The following AFG2A variants were observed in gnomAD, a reference collection of about 807,000 sequenced individuals.
The protein encoded by AFG2A is ATPase family gene 2 protein homolog A.
chr4:123,031,154 T>C, the AFG2A span, among the ~76,000 whole-genome samples: 1 of 152,158 alleles, frequency 6.6e-6, no homozygotes, highest in Non-Finnish European at 1.5e-5. Context: ...ATTCATACTC[T>C]GTTCTCTTTT....
the AFG2A span, among the ~76,000 whole-genome samples, chr4:122,992,379 T>C: frequency 6.6e-6 from 1 of 152,274 alleles, no homozygotes; most frequent in Admixed American, 6.5e-5. Flanking sequence ...TACTTTCTTA[T>C]ACTGCATTTT....
At chr4:123,230,525 A>C in the AFG2A span, among the ~76,000 whole-genome samples, 1 of 151,772 alleles carries the variant, frequency 6.6e-6, no homozygotes, top group African/African-American at 2.4e-5. Context: ...AAACCCCTCA[A>C]AGTTATTCCT....
the AFG2A span, among the ~76,000 whole-genome samples, chr4:122,983,131 G>A: frequency 2.0e-5 from 3 of 151,896 alleles, no homozygotes; most frequent in Non-Finnish European, 4.4e-5. Context: ...CTCCCAAAGT[G>A]CTAGGATTAC....
chr4:123,267,061 G>A, the AFG2A span, among the ~76,000 whole-genome samples: 1 of 151,906 alleles, frequency 6.6e-6, no homozygotes, highest in Non-Finnish European at 1.5e-5. Context: ...ACATGTTCTC[G>A]TTCTTCATCC....
the AFG2A span, among the ~76,000 whole-genome samples, chr4:123,239,794 ACAT>A: frequency 6.6e-6 from 1 of 152,178 alleles, no homozygotes; most frequent in African/African-American, 2.4e-5. Context: ...TACCCATCTA[ACAT>A]CATAATGACA....
At chr4:122,992,000 C>T in the AFG2A span, among the ~76,000 whole-genome samples, 1 of 152,046 alleles carries the variant, frequency 6.6e-6, no homozygotes, top group African/African-American at 2.4e-5. Flanking sequence ...TCATCAAATG[C>T]CACATGTCAG....
chr4:123,302,727 T>A, the AFG2A span, among the ~76,000 whole-genome samples: 1 of 152,052 alleles, frequency 6.6e-6, no homozygotes, highest in African/African-American at 2.4e-5. Context: ...AACACAAATA[T>A]CTCTATATCT....
chr4:123,034,722 T>C, the AFG2A span, among the ~76,000 whole-genome samples: 1 of 152,140 alleles, frequency 6.6e-6, no homozygotes, highest in Non-Finnish European at 1.5e-5. Flanking sequence ...ACAGTGTACA[T>C]GGGTGGGTGG....
the AFG2A span, among the ~76,000 whole-genome samples, chr4:122,958,876 AG>A: frequency 2.0e-5 from 3 of 152,222 alleles, no homozygotes; most frequent in African/African-American, 7.2e-5. Flanking sequence ...AGCTGGAGGC[AG>A]GATCTATAAT....
the AFG2A span, among the ~76,000 whole-genome samples, chr4:122,972,874 G>A: frequency 6.6e-6 from 1 of 151,922 alleles, no homozygotes; most frequent in African/African-American, 2.4e-5. Context: ...AGGTATGCTG[G>A]AAAACAGAGT....
At chr4:123,118,164 T>G in the AFG2A span, among the ~76,000 whole-genome samples, 1 of 151,186 alleles carries the variant, frequency 6.6e-6, no homozygotes, top group Admixed American at 6.6e-5. Context: ...ATATACATGC[T>G]CATTCCTTGT....
chr4:123,291,328 A>G, the AFG2A span, among the ~76,000 whole-genome samples: 1 of 152,134 alleles, frequency 6.6e-6, no homozygotes, highest in African/African-American at 2.4e-5. Context: ...TTCAACATTA[A>G]TATTGATATG....
the AFG2A span, among the ~76,000 whole-genome samples, chr4:123,098,825 A>G: frequency 6.6e-6 from 1 of 152,024 alleles, no homozygotes; most frequent in Non-Finnish European, 1.5e-5. Flanking sequence ...TGCAGTGAAC[A>G]TGGAGTGCAG....
At chr4:123,003,588 T>C in the AFG2A span, among the ~76,000 whole-genome samples, 1 of 152,188 alleles carries the variant, frequency 6.6e-6, no homozygotes. Context: ...CCTGTTTGCC[T>C]GGGTATCAGC....
the AFG2A span, among the ~76,000 whole-genome samples, chr4:123,167,811 A>C: frequency 6.6e-6 from 1 of 152,184 alleles, no homozygotes; most frequent in Non-Finnish European, 1.5e-5. Context: ...CTCTAATGCA[A>C]TTTTTGATGT....
the AFG2A span, among the ~76,000 whole-genome samples, chr4:122,923,539 G>A: frequency 6.6e-6 from 1 of 152,148 alleles, no homozygotes; most frequent in African/African-American, 2.4e-5. Flanking sequence ...TTTCTCTTTT[G>A]TAAATTATTT....
At chr4:123,142,046 A>G in the AFG2A span, among the ~76,000 whole-genome samples, 2 of 152,114 alleles carry the variant, frequency 1.3e-5, no homozygotes, top group Non-Finnish European at 1.5e-5. Flanking sequence ...TCCTTTCTTT[A>G]ATGTTATATA....
At chr4:123,057,810 T>TACAC in the AFG2A span, among the ~76,000 whole-genome samples, 8 of 151,486 alleles carry the variant, frequency 5.3e-5, no homozygotes, top group Non-Finnish European at 2.9e-5. Flanking sequence ...AACAAATATA[T>TACAC]ACACACACAC....
chr4:123,270,974 C>T, the AFG2A span, among the ~76,000 whole-genome samples: 2 of 152,170 alleles, frequency 1.3e-5, no homozygotes, highest in Non-Finnish European at 2.9e-5. Context: ...CAGTCATTCT[C>T]TAAGGGTATT....
Sources: gnomAD v4.1 joint callset for allele counts (sites outside exome capture counted in the v4.1 genomes callset) on GRCh38, gnomAD v4.1.1 for gene constraint, MANE v1.5 for transcripts, NCBI Gene and HGNC (gene_info 2026-07-23, HGNC 2026-07-21) for gene names.